Variants in MED31 observed in about 807,000 individuals in gnomAD.
MED31 encodes mediator complex subunit 31.
A neutral mutation model predicts 22.0 loss-of-function variants in MED31; 11 were observed. The observed-to-expected ratio is 0.50, with a 90% CI of 0.31 to 0.83. MED31 has a LOEUF of 0.83. MED31 is among the 40% of genes least tolerant of loss of function. The pLI, the probability that MED31 is intolerant of heterozygous loss-of-function variation, is 0.04. For missense variants in MED31, 122 were observed against 155.3 expected, an observed-to-expected ratio of 0.79 and a Z score of 1.14; for synonymous variants, 60 against 55.1, an observed-to-expected ratio of 1.09 and a Z score of -0.40.
In MED31 at chr17:6,651,571, A is replaced by C. The variant is rs747160743; in HGVS notation, c.-43T>G. 1.9e-6 allele frequency: 3 copies of C among 1,613,374 alleles called. No homozygotes were observed. The highest frequency in any genetic ancestry group is 1.7e-5 in the Admixed American group (1 of 59,834). Reference sequence around the variant, plus strand: ...AAACGCCACCAGCCTGACAGAGCAAAAGCCCAGAGACGCGGGCGAAGTTCC... The same window carrying C: ...AAACGCCACCAGCCTGACAGAGCAACAGCCCAGAGACGCGGGCGAAGTTCC... On this transcript the variant is annotated 5_prime_UTR_variant, in exon 1 of 4. Transcript: ENST00000225728.
intron 3 of MED31, among the ~76,000 whole-genome samples, chr17:6,645,144 T>C (rs1972750555): frequency 6.6e-6 from 1 of 152,150 alleles, no homozygotes; most frequent in Non-Finnish European, 1.5e-5. Flanking sequence ...TTAGATATAC[T>C]CTAGGATTGG....
intron 1 of MED31, chr17:6,651,296 C>G (rs17842439): frequency 0.042 from 28,044 of 666,568 alleles, 1,139 homozygotes; most frequent in African/African-American, 0.16. Flanking sequence ...GGGGTGGTGT[C>G]TGAATAGCAA....
rs1972835647 is a variant in MED31 at position 6,651,520 on chromosome 17, A to T, written c.9T>A (p.Ala3=). The T allele has an allele frequency of 1.2e-6, 2 of 1,614,092 alleles. No homozygotes were observed. Among genetic ancestry groups the T allele is most frequent in the African/African-American group, 1.3e-5 (1 of 75,070 alleles). The change falls in exon 1 of 4, where the codon GCT becomes GCA. Residue 3 remains alanine, a synonymous_variant. Transcript: ENST00000225728. MA[A]AVAMETDDAG... is the part of the protein sequence containing the mutation. ...ACTCACCTGTCTCCATAGCGACAGC[A>T]GCGGCCATAACAAACGAAGACACCA...
rs1972733867 is a variant in MED31 at position 6,644,159 on chromosome 17, AC to A, written c.*307del. ...TAGAATTCAGTATACTTGGTGGCCC[AC>A]CCCTACCCCATGCCCCAGTGCCTTA... is the stretch of plus-strand genomic sequence containing the variant. On this transcript the variant is annotated 3_prime_UTR_variant, in exon 4 of 4. Transcript: ENST00000225728. 2.3e-6 allele frequency: 1 copy of A among 427,548 alleles called. No individual in the cohort carries two copies. The highest frequency in any genetic ancestry group is 7.7e-5 in the South Asian group (1 of 12,936). The allele number at this position is 427,548 out of a possible 1,614,324, so 26.5% of individuals were successfully genotyped here.
Position 6,651,520 on chromosome 17 carries a change from A to G in MED31, c.9T>C (p.Ala3=). 6 of 1,614,092 alleles carry G rather than the reference A, an allele frequency of 3.7e-6. No homozygotes were observed. The highest frequency in any genetic ancestry group is 5.1e-6 in the Non-Finnish European group (6 of 1,180,002). MA[A]AVAMETDDAG... ...ACTCACCTGTCTCCATAGCGACAGC[A>G]GCGGCCATAACAAACGAAGACACCA... The change falls in exon 1 of 4, where the codon GCT becomes GCC. Residue 3 remains alanine (A), a synonymous_variant. Transcript: ENST00000225728.
intron 3 of MED31, among the ~76,000 whole-genome samples, chr17:6,645,226 G>A (rs1972751885): frequency 6.6e-6 from 1 of 152,142 alleles, no homozygotes; most frequent in Non-Finnish European, 1.5e-5. Flanking sequence ...GACATGGAAA[G>A]GAAAAAGGCT....
chr17:6,648,431 G>A (rs541114598), intron 3 of MED31, among the ~76,000 whole-genome samples: 1 of 152,316 alleles, frequency 6.6e-6, no homozygotes, highest in South Asian at 2.1e-4. Flanking sequence ...CTTCCACCAG[G>A]TGGAAAGCAG....
chr17:6,648,788 T>C (rs1972793188), intron 3 of MED31, among the ~76,000 whole-genome samples: 1 of 152,190 alleles, frequency 6.6e-6, no homozygotes, highest in African/African-American at 2.4e-5. Context: ...CTTTCTAATA[T>C]CTGGCTAACA....
rs1597631390 is a variant in MED31, at chr17:6,644,208, T to C, written c.*259A>G. The C allele has an allele frequency of 2.0e-6, 1 of 488,086 alleles. No individual in the cohort carries two copies. The allele number at this position is 488,086 out of a possible 1,614,324, so 30.2% of individuals were successfully genotyped here. A position where few individuals can be genotyped will look rare whatever the true frequency, so the allele number is the denominator to read the frequency against. On this transcript the variant is annotated 3_prime_UTR_variant, in exon 4 of 4. Transcript: ENST00000225728. The stretch of plus-strand genomic sequence containing the variant: ...TTATTTGGTCTAAAGCACCTAACTT[T>C]TCCATTCTTAATCAGCTGATTATGC...
chr17:6,646,586 G>A (rs1324878603), intron 3 of MED31, among the ~76,000 whole-genome samples: 1 of 152,220 alleles, frequency 6.6e-6, no homozygotes, highest in Non-Finnish European at 1.5e-5. Context: ...GATGTGCCTT[G>A]TTAACAATAT....
intron 3 of MED31, among the ~76,000 whole-genome samples, chr17:6,645,573 T>G (rs34447353): frequency 0.12 from 17,974 of 152,178 alleles, 1,658 homozygotes; most frequent in East Asian, 0.36. Context: ...ATCAAAAGTA[T>G]TCAGGAGCCA....
chr17:6,649,215 GTTT>G (rs950905992), intron 3 of MED31, among the ~76,000 whole-genome samples: 2 of 19,428 alleles, frequency 1.0e-4, no homozygotes, highest in African/African-American at 9.3e-4. Flanking sequence ...GGTTTTTTTT[GTTT>G]TTTTTGTTTT....
At position 6,644,244 on chromosome 17, in the gene MED31, A is replaced by T. The variant is rs1972735175; in HGVS notation, c.*223T>A. On this transcript the variant is annotated 3_prime_UTR_variant, in exon 4 of 4. Transcript: ENST00000225728. ...ATCAGCTGATTATGCTAAATGCGTA[A>T]AAAAGAAAAACACCTTACAAATCCA... The T allele has an allele frequency of 3.6e-6, 2 of 562,314 alleles. No individual in the cohort carries two copies. The highest frequency in any genetic ancestry group is 5.7e-6 in the Non-Finnish European group (2 of 349,728). 34.8% of individuals were successfully genotyped at this position (562,314 alleles called of 1,614,324 possible). A position where few individuals can be genotyped will look rare whatever the true frequency, so the allele number is the denominator to read the frequency against.
chr17:6,651,450 G>C (rs1272829342), intron 1 of MED31, 51 bp downstream of exon 1: 2 of 1,611,996 alleles, frequency 1.2e-6, no homozygotes, highest in Non-Finnish European at 1.7e-6. Flanking sequence ...AAGAGGTCTG[G>C]GTCAAGGAGA....
Position 6,650,405 on chromosome 17 carries a change from C to T in MED31, c.57G>A (p.Gln19=). 3 of 1,614,134 alleles carry T rather than the reference C, an allele frequency of 1.9e-6. No homozygotes were observed. The highest frequency in any genetic ancestry group is 2.5e-6 in the Non-Finnish European group (3 of 1,180,006). Residue 19 remains glutamine (Q), a synonymous_variant, in exon 2 of 4, where the codon CAG becomes CAA. Transcript: ENST00000225728. ...TDDAGNRLRF[Q]LELEFVQCLA... The stretch of plus-strand genomic sequence containing the variant: ...AACATTGCACAAATTCCAACTCCAA[C>T]TGAAACCGAAGTCGATTTCCAGCAT...
In MED31 at chr17:6,651,565, G is replaced by A. The variant is rs1597635715; in HGVS notation, c.-37C>T. The A allele has an allele frequency of 9.9e-6, 16 of 1,613,772 alleles. No individual in the cohort carries two copies. The highest frequency in any genetic ancestry group is 3.3e-5 in the South Asian group (3 of 91,036). On this transcript the variant is annotated 5_prime_UTR_variant, in exon 1 of 4. Transcript: ENST00000225728. The stretch of plus-strand genomic sequence containing the variant: ...ACACCAAAACGCCACCAGCCTGACA[G>A]AGCAAAAGCCCAGAGACGCGGGCGA...
In MED31 at chr17:6,644,317, C is replaced by G. The variant is rs1972736505; in HGVS notation, c.*150G>C. The G allele has an allele frequency of 1.7e-5, 14 of 800,096 alleles. No individual in the cohort carries two copies. In the South Asian group the frequency reaches 4.3e-4, roughly 25 times the overall value. 49.6% of individuals were successfully genotyped at this position (800,096 alleles called of 1,614,324 possible). On this transcript the variant is annotated 3_prime_UTR_variant, in exon 4 of 4. Transcript: ENST00000225728. The stretch of plus-strand genomic sequence containing the variant: ...AGGTTTAACAGAAATAGTCTATTAA[C>G]AATAAAAAGTTGGATGAAAAAGCAC...
intron 3 of MED31, among the ~76,000 whole-genome samples, chr17:6,646,201 T>A (rs1972764816): frequency 6.6e-6 from 1 of 152,218 alleles, no homozygotes; most frequent in Non-Finnish European, 1.5e-5. Flanking sequence ...GTCTGTAGAT[T>A]AGGTAATAAT....
At chr17:6,649,854 C>A in intron 3 of MED31, 128 bp downstream of exon 3, 2 of 927,094 alleles carry the variant, frequency 2.2e-6, no homozygotes, top group Non-Finnish European at 3.0e-6. Flanking sequence ...ATGAGGGTGT[C>A]TTGTATTAAG....
Sources: gnomAD v4.1 joint callset for allele counts (sites outside exome capture counted in the v4.1 genomes callset) on GRCh38, gnomAD v4.1.1 for gene constraint, MANE v1.5 for transcripts, NCBI Gene and HGNC (gene_info 2026-07-23, HGNC 2026-07-21) for gene names.